SETD1A: variants seen among roughly 807,000 people sequenced by gnomAD.
The protein encoded by SETD1A is histone-lysine N-methyltransferase SETD1A.
Under a neutral mutation model 149.9 loss-of-function variants are expected in SETD1A, and 29 were observed. The observed-to-expected ratio is 0.19, with a 90% CI of 0.14 to 0.26. SETD1A has a LOEUF of 0.26. Ranked by LOEUF, SETD1A falls within the 10% of genes least tolerant of loss-of-function variation. The pLI, the probability that SETD1A is intolerant of heterozygous loss-of-function variation, is 1.00. For missense variants in SETD1A, 2,109 were observed against 2,353.1 expected, an observed-to-expected ratio of 0.90 and a Z score of 2.15; for synonymous variants, 1,141 against 968.5, an observed-to-expected ratio of 1.18 and a Z score of -3.31.
At chr16:30,966,804 T>A in intron 8 of SETD1A, 80 bp from the exon 9 acceptor site, 5 of 1,434,492 alleles carry the variant, frequency 3.5e-6, no homozygotes, top group Non-Finnish European at 4.6e-6. Flanking sequence ...TCTGTATTCC[T>A]GGGGTCCGGG....
In SETD1A at chr16:30,961,409, G is replaced by T; in HGVS notation, c.389G>T (p.Arg130Leu). 1 of 1,614,158 alleles carries T rather than the reference G, an allele frequency of 6.2e-7. No individual in the cohort carries two copies. Among genetic ancestry groups the T allele is most frequent in the Non-Finnish European group, 8.5e-7 (1 of 1,180,026 alleles). ...GAGGTAGAGATCCTCCTTCACCCCC[G>T]TACGCGCAAGCACCTGGGCCTGGCC... is the stretch of plus-strand genomic sequence containing the variant. ...VEEVEILLHP[R>L]TRKHLGLARV... The change falls in exon 4 of 19, where the codon CGT becomes CTT. Residue 130 changes from arginine (R) to leucine (L), a missense_variant. Arg to Leu is a moderately radical substitution (Grantham distance 102, BLOSUM62 -2). Coordinates refer to ENST00000262519, the MANE Select transcript of SETD1A (RefSeq NM_014712.3). The surrounding 1 kb of genome is among the most constrained non-coding windows in gnomAD (Gnocchi z 4.0).
chr16:30,970,045 G>A (rs1356384856), intron 12 of SETD1A, among the ~76,000 whole-genome samples: 5 of 152,072 alleles, frequency 3.3e-5, no homozygotes, highest in Non-Finnish European at 7.4e-5. Context: ...TCGGCTCACT[G>A]CAACCTCCGC....
rs893912368 is a variant in SETD1A at position 30,958,439 on chromosome 16, C to G, written c.-15-278C>G. On this transcript the variant is annotated intron_variant, in intron 1 of 18. Coordinates refer to ENST00000262519, the MANE Select transcript of SETD1A (RefSeq NM_014712.3). ...AGGGGGCGGGGGAGGGGTCTTGCTC[C>G]GAGGCCAAGTGGGGCGCGCGCTAGG... The G allele has an allele frequency of 7.9e-6, 3 of 379,474 alleles. No homozygotes were observed. In the East Asian group the frequency reaches 1.5e-4, roughly 19 times the overall value. 23.5% of individuals were successfully genotyped at this position (379,474 alleles called of 1,614,324 possible).
In SETD1A at chr16:30,961,086, G is replaced by T. The variant is rs138350994; in HGVS notation, c.247-181G>T. On this transcript the variant is annotated intron_variant, in intron 3 of 18. Transcript: ENST00000262519. This position sits in a 1 kb window ranked among gnomAD's most constrained non-coding sequence, Gnocchi z 4.0. Reference sequence around the variant, plus strand: ...TCTTAATTCTTGCTGTTATTCTGTGGTGAGAAGAATTCAGGGAAAAGGGGT... The same window carrying T: ...TCTTAATTCTTGCTGTTATTCTGTGTTGAGAAGAATTCAGGGAAAAGGGGT... Among the ~76,000 whole-genome samples the T allele has an allele frequency of 6.5e-4, 99 of 152,168 alleles. No individual in the cohort carries two copies. The highest frequency in any genetic ancestry group is 2.4e-3 in the African/African-American group (99 of 41,492).
At chr16:30,967,152 T>TTC in intron 9 of SETD1A, 92 bp downstream of exon 9, 1 of 991,158 alleles carries the variant, frequency 1.0e-6, no homozygotes, top group Non-Finnish European at 1.5e-6. Flanking sequence ...CCATGAGTGT[T>TTC]TGAGTTTTTT....
chr16:30,960,045 TTC>T (rs2056027544), intron 3 of SETD1A, among the ~76,000 whole-genome samples: 1 of 152,174 alleles, frequency 6.6e-6, no homozygotes, highest in African/African-American at 2.4e-5. Context: ...TTCTCTCCTT[TTC>T]TCTCTCAGTT....
At chr16:30,976,432 G>A (rs1227907318) in intron 13 of SETD1A, among the ~76,000 whole-genome samples, 2 of 152,192 alleles carry the variant, frequency 1.3e-5, no homozygotes, top group Non-Finnish European at 2.9e-5. Context: ...GGGCCTGGGA[G>A]TGAGGGGAGA....
chr16:30,975,499 C>T (rs1476979128), intron 13 of SETD1A, among the ~76,000 whole-genome samples: 6 of 144,014 alleles, frequency 4.2e-5, no homozygotes, highest in African/African-American at 1.6e-4. Context: ...GGTGCAATCT[C>T]GGCTCACTGC....
rs1458140414 is a variant in SETD1A at position 30,969,663 on chromosome 16, C to T, written c.2990C>T (p.Thr997Ile). 1.2e-6 allele frequency: 2 copies of T among 1,614,070 alleles called. No individual in the cohort carries two copies. Among genetic ancestry groups the T allele is most frequent in the South Asian group, 2.2e-5 (2 of 91,078 alleles). ...DEDREEAVDT[T>I]KKETEVSDGE... ...GATCGAGAGGAAGCTGTGGATACCA[C>T]AAAGAAGGAGACAGAGGTGTCGGAT... is the stretch of plus-strand genomic sequence containing the variant. The change falls in exon 12 of 19, where the codon ACA becomes ATA. Residue 997 changes from threonine to isoleucine, a missense_variant. Thr to Ile is a moderately conservative substitution (Grantham distance 89, BLOSUM62 -1). Transcript: ENST00000262519.
chr16:30,979,547 C>A lies in SETD1A; in HGVS notation c.3761C>A (p.Ala1254Glu). 1 of 1,608,118 alleles carries A rather than the reference C, an allele frequency of 6.2e-7. No individual in the cohort carries two copies. Among genetic ancestry groups the A allele is most frequent in the Non-Finnish European group, 8.5e-7 (1 of 1,178,568 alleles). The change falls in exon 14 of 19, where the codon GCG becomes GAG. Residue 1254 changes from alanine (A) to glutamate (E), a missense_variant. Physicochemically the swap from Ala to Glu is moderately radical, Grantham distance 107. This residue lies in a region of SETD1A where 832 missense variants were observed against 815.6 expected (regional missense o/e 1.02). Transcript: ENST00000262519. ...GAGCCAGGGACAGAGGTGGACCTGG[C>A]GGTCCTGGCCGACCTGGCCCTGACC... ...EAEPGTEVDL[A>E]VLADLALTPA...
At position 30,967,015 on chromosome 16, in the gene SETD1A, C is replaced by G; in HGVS notation, c.2637C>G (p.Ala879=). The change falls in exon 9 of 19, where the codon GCC becomes GCG. Residue 879 remains alanine (A), a synonymous_variant. Transcript: ENST00000262519. ...GCACTACGGGCATCGAGGCTTTCGC[C>G]TTTGGGTCAGGGCTGAGAGGGGCCC... ...SGGTTGIEAF[A]FGSGLRGALR... is the part of the protein sequence containing the mutation. 2 of 1,600,404 alleles carry G rather than the reference C, an allele frequency of 1.2e-6. No homozygotes were observed. The highest frequency in any genetic ancestry group is 1.1e-5 in the South Asian group (1 of 88,542).
chr16:30,979,998 G>GCCCCCA lies in SETD1A; in HGVS notation c.4218_4223dup (p.Pro1411_Pro1412dup). 2 of 481,350 alleles carry GCCCCCA rather than the reference G, an allele frequency of 4.2e-6. No homozygotes were observed. Among genetic ancestry groups the GCCCCCA allele is most frequent in the East Asian group, 8.9e-5 (1 of 11,218 alleles). The allele number at this position is 481,350 out of a possible 1,614,324, so 29.8% of individuals were successfully genotyped here. ...CCCACGCCCGGCGCCGCCGCCCTCCGCCCCCACCCCCGCCGCCACCGCCCC... is the reference window on the plus strand; with the variant it reads ...CCCACGCCCGGCGCCGCCGCCCTCCGCCCCCACCCCCACCCCCGCCGCCACCGCCCC... On this transcript the variant is annotated inframe_insertion, in exon 14 of 19. Coordinates refer to ENST00000262519, the MANE Select transcript of SETD1A (RefSeq NM_014712.3).
chr16:30,981,310 G>T lies in SETD1A; in HGVS notation c.4812+130G>T, dbSNP rs2056374969. ...CCCCGGTACCTAGCCAGTGAGACCA[G>T]CCTCCCTCCGGTGTGGTCAGCAGGT... On this transcript the variant is annotated intron_variant, in intron 17 of 18. Transcript: ENST00000262519. 32 of 1,193,010 alleles carry T rather than the reference G, an allele frequency of 2.7e-5. No individual in the cohort carries two copies. The South Asian group carries it at 4.4e-4, about 17-fold the overall frequency. The allele number at this position is 1,193,010 out of a possible 1,614,324, so 73.9% of individuals were successfully genotyped here.
At chr16:30,967,122 G>T in intron 9 of SETD1A, 62 bp downstream of exon 9, 1 of 1,253,784 alleles carries the variant, frequency 8.0e-7, no homozygotes, top group Non-Finnish European at 1.1e-6. Context: ...CCCCTTCCTT[G>T]GGGTAGGGGT....
At chr16:30,975,270 A>G (rs1225220496) in intron 13 of SETD1A, among the ~76,000 whole-genome samples, 1 of 151,916 alleles carries the variant, frequency 6.6e-6, no homozygotes, top group Non-Finnish European at 1.5e-5. Flanking sequence ...AAATTGTACC[A>G]CTGCACTCCA....
At chr16:30,963,072 C>G (rs184497524) in intron 4 of SETD1A, among the ~76,000 whole-genome samples, 3 of 152,312 alleles carry the variant, frequency 2.0e-5, no homozygotes, top group Non-Finnish European at 4.4e-5. Context: ...ATGGGGTGAT[C>G]GAGCCTCTGG....
chr16:30,960,666 C>T (rs541295542), intron 3 of SETD1A, among the ~76,000 whole-genome samples: 3 of 151,596 alleles, frequency 2.0e-5, no homozygotes, highest in South Asian at 4.2e-4. Context: ...AGGAAATCAT[C>T]GCCCTGTAGC....
intron 17 of SETD1A, 67 bp downstream of exon 17, chr16:30,981,247 A>G: frequency 1.0e-5 from 16 of 1,593,024 alleles, no homozygotes; most frequent in Non-Finnish European, 1.3e-5. Context: ...GCTCACACAC[A>G]TGCTGTTTGT....
chr16:30,980,442 A>C lies in SETD1A; in HGVS notation c.4409-43A>C, dbSNP rs1178521837. 1.3e-6 allele frequency: 2 copies of C among 1,580,872 alleles called. No individual in the cohort carries two copies. Among genetic ancestry groups the C allele is most frequent in the Non-Finnish European group, 1.7e-6 (2 of 1,161,420 alleles). On this transcript the variant is annotated intron_variant, in intron 14 of 18. Coordinates refer to ENST00000262519, the MANE Select transcript of SETD1A (RefSeq NM_014712.3). This position sits in a 1 kb window ranked among gnomAD's most constrained non-coding sequence, Gnocchi z 7.7. ...CCGCCCTCTCCTTTGGCTGGGACGC[A>C]GGTGGCCAGAGAGGAGCCGTTCTCT... is the stretch of plus-strand genomic sequence containing the variant.
Sources: gnomAD v4.1 joint callset for allele counts (sites outside exome capture counted in the v4.1 genomes callset) on GRCh38, gnomAD v4.1.1 for gene constraint, gnomAD v4.1.1 regional missense constraint, Gnocchi (gnomAD v3.1) non-coding constraint, MANE v1.5 for transcripts, NCBI Gene and HGNC (gene_info 2026-07-23, HGNC 2026-07-21) for gene names.